OGA: variants seen among roughly 807,000 people sequenced by gnomAD.
OGA encodes protein O-GlcNAcase.
In OGA, 21 loss-of-function variants were observed where a neutral mutation model predicts 102.0. That is an observed-to-expected ratio of 0.21 (90% CI 0.15 to 0.30). The LOEUF (loss-of-function observed/expected upper bound fraction) is 0.30, where lower values mean the gene tolerates loss of function less well. Among genes scored for constraint, OGA ranks in the 10% least tolerant of loss-of-function variants. OGA has a pLI of 1.00. For missense variants in OGA, 765 were observed against 1,107.8 expected (o/e 0.69, Z 4.39); for synonymous variants, 408 against 378.2 (o/e 1.08, Z -0.91).
Position 101,813,577 on chromosome 10 carries a change from G to C in OGA, c.229C>G (p.Gln77Glu). 1.3e-6 allele frequency: 2 copies of C among 1,558,652 alleles called. No homozygotes were observed. Among genetic ancestry groups the C allele is most frequent in the Non-Finnish European group, 1.8e-6 (2 of 1,136,106 alleles). Residue 77 changes from glutamine (Q) to glutamate (E), a missense_variant, in exon 2 of 16, where the codon CAG (glutamine) becomes GAG (glutamate). Gln to Glu is a conservative substitution (Grantham distance 29, BLOSUM62 2). Around this residue, in one of 7 missense-constraint regions of OGA, gnomAD observed 165 missense variants for 249.7 expected, o/e 0.66. Transcript: ENST00000361464. Reference protein sequence around the residue: ...GFYGRPWVMEQRKELFRRLQK... With the variant: ...GFYGRPWVMEERKELFRRLQK... ...TACCTTCTAAAGAGTTCTTTTCTCT[G>C]TTCCATAACCCAAGGTCTTCCATAA... is the stretch of plus-strand genomic sequence containing the variant.
intron 6 of OGA, 111 bp from the exon 7 acceptor site, chr10:101,804,130 A>C: frequency 1.1e-6 from 1 of 948,708 alleles, no homozygotes; most frequent in Non-Finnish European, 1.6e-6. Flanking sequence ...AGATCATTTG[A>C]GCCCAGGAGT....
Position 101,798,252 on chromosome 10 carries a change from G to T in OGA, c.1810-98C>A. 8 of 1,070,970 alleles carry T rather than the reference G, an allele frequency of 7.5e-6. No homozygotes were observed. The South Asian group carries it at 1.1e-4, about 15-fold the overall frequency. 66.3% of individuals were successfully genotyped at this position (1,070,970 alleles called of 1,614,324 possible). On this transcript the variant is annotated intron_variant, in intron 9 of 15. Coordinates refer to ENST00000361464, the MANE Select transcript of OGA (RefSeq NM_012215.5). ...AAGCTGCTTATGTTGTCAGGTACTG[G>T]CAATTTATCTTAACCATTAAAGTAT...
chr10:101,802,393 G>A (rs1168670721), intron 7 of OGA, among the ~76,000 whole-genome samples: 1 of 152,172 alleles, frequency 6.6e-6, no homozygotes, highest in Non-Finnish European at 1.5e-5. Context: ...AGTAGGAATG[G>A]CTGGGCGCGA....
At chr10:101,801,284 C>T (rs1451150266) in intron 7 of OGA, among the ~76,000 whole-genome samples, 2 of 151,084 alleles carry the variant, frequency 1.3e-5, no homozygotes, top group African/African-American at 4.9e-5. Context: ...CCCAGCTACT[C>T]GGGAGGCTGA....
chr10:101,787,066 A>G (rs1305688916), intron 15 of OGA, among the ~76,000 whole-genome samples: 1 of 146,688 alleles, frequency 6.8e-6, no homozygotes, highest in African/African-American at 2.5e-5. Context: ...AATTAGGTAG[A>G]GATGGGGTCT....
intron 2 of OGA, 150 bp downstream of exon 2, chr10:101,813,405 T>G: frequency 1.7e-6 from 1 of 590,554 alleles, no homozygotes; most frequent in Non-Finnish European, 2.9e-6. Context: ...AAGGCCTAGG[T>G]GAAGAAAAAA....
intron 11 of OGA, among the ~76,000 whole-genome samples, chr10:101,793,296 C>G (rs909727699): frequency 6.6e-6 from 1 of 152,076 alleles, no homozygotes; most frequent in Admixed American, 6.5e-5. Flanking sequence ...GATGGCAGAA[C>G]AGAATGTCAG....
chr10:101,808,253 T>C (rs557647504), intron 4 of OGA, among the ~76,000 whole-genome samples: 1 of 152,326 alleles, frequency 6.6e-6, no homozygotes, highest in African/African-American at 2.4e-5. Flanking sequence ...GAGCATTTCC[T>C]TTGAATTTTA....
At position 101,800,404 on chromosome 10, in the gene OGA, CA is replaced by C; in HGVS notation, c.1037-5del. ...ACAGTACTATCTTCACTGTCAGCTG[CA>C]AAAAATAAAATAAAAAAGCACAAAA... On this transcript the variant is annotated splice_polypyrimidine_tract_variant and splice_region_variant and intron_variant, in intron 7 of 15. Transcript: ENST00000361464. The C allele has an allele frequency of 6.3e-7, 1 of 1,595,414 alleles. No homozygotes were observed. The highest frequency in any genetic ancestry group is 8.5e-7 in the Non-Finnish European group (1 of 1,172,698).
At chr10:101,788,273 A>C in intron 14 of OGA, among the ~76,000 whole-genome samples, 1 of 150,820 alleles carries the variant, frequency 6.6e-6, no homozygotes. Context: ...CCCTGTCTCT[A>C]CTAAAAACAT....
At position 101,818,119 on chromosome 10, in the gene OGA, G is replaced by C. The variant is rs1267239761; in HGVS notation, c.-97C>G. The stretch of plus-strand genomic sequence containing the variant: ...GCCCTGGAGAGGGCTTCAGCTCCAA[G>C]TGTGCGCCCCTCCGGCTCCTTCCCC... On this transcript the variant is annotated 5_prime_UTR_variant, in exon 1 of 16. Coordinates refer to ENST00000361464, the MANE Select transcript of OGA (RefSeq NM_012215.5). 2.1e-6 allele frequency: 3 copies of C among 1,404,904 alleles called. No homozygotes were observed. Among genetic ancestry groups the C allele is most frequent in the African/African-American group, 3.0e-5 (2 of 66,510 alleles). The allele number at this position is 1,404,904 out of a possible 1,614,324, so 87.0% of individuals were successfully genotyped here.
chr10:101,803,222 G>C lies in OGA; in HGVS notation c.1036+513C>G, dbSNP rs1488167424. ...GATCTAAGTGACTCAAGAGTATCTA[G>C]TTATCTAAAATATCCTTTTCAATAA... On this transcript the variant is annotated intron_variant, in intron 7 of 15. Transcript: ENST00000361464. Among the ~76,000 whole-genome samples the C allele has an allele frequency of 4.6e-5, 7 of 151,556 alleles. 1 individual carries two copies. The highest frequency in any genetic ancestry group is 1.0e-4 in the Non-Finnish European group (7 of 67,940).
At position 101,818,043 on chromosome 10, in the gene OGA, C is replaced by T. The variant is rs2065666045; in HGVS notation, c.-21G>A. The T allele has an allele frequency of 2.6e-6, 4 of 1,550,130 alleles. No homozygotes were observed. Among genetic ancestry groups the T allele is most frequent in the Non-Finnish European group, 3.5e-6 (4 of 1,144,108 alleles). ...ACCATCCTCCTGCCCCCGGCCGCTG[C>T]CACCTCTGCGGGTCCTCCTCGACCT... On this transcript the variant is annotated 5_prime_UTR_variant, in exon 1 of 16. Coordinates refer to ENST00000361464, the MANE Select transcript of OGA (RefSeq NM_012215.5).
chr10:101,797,118 C>T (rs761659443), intron 10 of OGA: 1 of 151,300 alleles, frequency 6.6e-6, no homozygotes, highest in Admixed American at 6.6e-5. Context: ...TCTAAGCTCA[C>T]GGTGTTTCAG....
chr10:101,795,881 C>T, intron 10 of OGA: 1 of 977,384 alleles, frequency 1.0e-6, no homozygotes, highest in South Asian at 4.7e-5. Flanking sequence ...ACAGGCTGGA[C>T]AAGCTTGCTG....
intron 1 of OGA, 91 bp from the exon 2 acceptor site, chr10:101,813,697 C>T (rs2065586246): frequency 1.4e-6 from 1 of 689,958 alleles, no homozygotes; most frequent in Non-Finnish European, 2.4e-6. Flanking sequence ...ATAATACAAT[C>T]CTATTTTGTA....
chr10:101,811,406 G>GAAAAAAAAAA (rs67433227), intron 3 of OGA, among the ~76,000 whole-genome samples: 584 of 45,702 alleles, frequency 0.013, 2 homozygotes, highest in Middle Eastern at 0.022. Flanking sequence ...GAAAAAAAAT[G>GAAAAAAAAAA]AAAAAAAAAA....
rs1386197982 is a variant in OGA, at chr10:101,785,843, T to C, written c.*608A>G. On this transcript the variant is annotated 3_prime_UTR_variant, in exon 16 of 16. Coordinates refer to ENST00000361464, the MANE Select transcript of OGA (RefSeq NM_012215.5). The stretch of plus-strand genomic sequence containing the variant: ...TTTGCCACAAACAAATGCACATTTG[T>C]CCCTACAAAGTACAACATGCCTGAA... 6.6e-6 allele frequency: 1 copy of C among 152,234 alleles called. No individual in the cohort carries two copies. Among genetic ancestry groups the C allele is most frequent in the Non-Finnish European group, 1.5e-5 (1 of 68,042 alleles). 9.4% of individuals were successfully genotyped at this position (152,234 alleles called of 1,614,324 possible). A position where few individuals can be genotyped will look rare whatever the true frequency, so the allele number is the denominator to read the frequency against.
rs756254394 is a variant in OGA, at chr10:101,800,270, T to C, written c.1167A>G (p.Gln389=). The C allele has an allele frequency of 6.2e-7, 1 of 1,614,176 alleles. No homozygotes were observed. Among genetic ancestry groups the C allele is most frequent in the Admixed American group, 1.7e-5 (1 of 60,018 alleles). The change falls in exon 8 of 16, where the codon CAA becomes CAG. Residue 389 remains glutamine (Q), a synonymous_variant. Coordinates refer to ENST00000361464, the MANE Select transcript of OGA (RefSeq NM_012215.5). ...ALKLALTEWL[Q]EFGVPHQYSS... The stretch of plus-strand genomic sequence containing the variant: ...TGTATTGATGAGGCACACCAAACTC[T>C]TGCAACCATTCTGTTAATGCTAGCT...
Sources: gnomAD v4.1 joint callset for allele counts (sites outside exome capture counted in the v4.1 genomes callset) on GRCh38, gnomAD v4.1.1 for gene constraint, gnomAD v4.1.1 regional missense constraint, MANE v1.5 for transcripts, NCBI Gene and HGNC (gene_info 2026-07-23, HGNC 2026-07-21) for gene names.